Variants in SOX6 observed in about 807,000 individuals in gnomAD.
The protein encoded by SOX6 is transcription factor SOX-6.
SOX6 carries 11 observed loss-of-function variants against 97.8 expected under a neutral mutation model. That is an observed-to-expected ratio of 0.11 (90% confidence interval 0.07 to 0.19). The LOEUF is 0.19. SOX6 is among the 10% of genes least tolerant of loss of function. The probability of loss-of-function intolerance (pLI) is 1.00; values close to 1 mark genes in which losing one functional copy is unlikely to be tolerated. For missense variants in SOX6, 810 were observed against 1,039.5 expected (o/e 0.78, Z 3.04); for synonymous variants, 360 against 371.4 (o/e 0.97, Z 0.35).
At chr11:16,559,548 T>C (rs1002517565) in intron 4 of SOX6, among the ~76,000 whole-genome samples, 7 of 151,456 alleles carry the variant, frequency 4.6e-5, no homozygotes, top group African/African-American at 1.7e-4. Context: ...ACAAGATAGG[T>C]GTGTTATAGA....
At chr11:16,245,969 A>G (rs1853323417) in intron 3 of SOX6, among the ~76,000 whole-genome samples, 1 of 151,196 alleles carries the variant, frequency 6.6e-6, no homozygotes, top group Non-Finnish European at 1.5e-5. Context: ...GCTATTTTTA[A>G]TTTGTCCTTT....
At chr11:16,024,803 C>A (rs1355215786) in intron 12 of SOX6, among the ~76,000 whole-genome samples, 1 of 152,046 alleles carries the variant, frequency 6.6e-6, no homozygotes, top group Non-Finnish European at 1.5e-5. Flanking sequence ...TGCAGAGCTT[C>A]TTGTGGAGAT....
At chr11:16,534,333 A>G (rs528095403) in intron 4 of SOX6, among the ~76,000 whole-genome samples, 5 of 152,316 alleles carry the variant, frequency 3.3e-5, no homozygotes, top group Admixed American at 6.5e-5. Context: ...AGTTATAGAT[A>G]ACACTGATTT....
chr11:16,556,755 A>G (rs1270610765), intron 4 of SOX6, among the ~76,000 whole-genome samples: 2 of 151,742 alleles, frequency 1.3e-5, no homozygotes, highest in Admixed American at 1.3e-4. Context: ...ACTTTGTTCT[A>G]TTGCTTTTGC....
chr11:16,534,408 G>C (rs529846375), intron 4 of SOX6, among the ~76,000 whole-genome samples: 17 of 151,962 alleles, frequency 1.1e-4, no homozygotes, highest in Non-Finnish European at 2.2e-4. Context: ...TTGGACTTAG[G>C]TTTCTTCTAG....
intron 2 of SOX6, among the ~76,000 whole-genome samples, chr11:16,334,152 T>C (rs1173071444): frequency 1.3e-5 from 2 of 151,920 alleles, no homozygotes; most frequent in African/African-American, 4.8e-5. Flanking sequence ...AAACATGACA[T>C]GTGACACCTC....
chr11:16,535,986 T>C (rs1441350913), intron 4 of SOX6, among the ~76,000 whole-genome samples: 1 of 152,224 alleles, frequency 6.6e-6, no homozygotes, highest in African/African-American at 2.4e-5. Context: ...CATATTTCAA[T>C]TTCTGCAACT....
intron 1 of SOX6, chr11:16,402,810 C>T (rs1262457060): frequency 2.5e-6 from 4 of 1,570,060 alleles, no homozygotes; most frequent in African/African-American, 2.7e-5. Flanking sequence ...CTTTCATGTC[C>T]TTGAAGCTCA....
intron 4 of SOX6, among the ~76,000 whole-genome samples, chr11:16,594,452 C>T (rs1226451989): frequency 6.6e-6 from 1 of 151,882 alleles, no homozygotes; most frequent in South Asian, 2.1e-4. Context: ...GGTTACAATC[C>T]TTTTTTAAAC....
At chr11:16,399,803 C>G (rs1858495914) in intron 1 of SOX6, among the ~76,000 whole-genome samples, 2 of 151,204 alleles carry the variant, frequency 1.3e-5, no homozygotes, top group Admixed American at 6.6e-5. Context: ...GAAGTAAAAG[C>G]TTGGGGTATT....
intron 3 of SOX6, among the ~76,000 whole-genome samples, chr11:16,671,267 G>C (rs1235666649): frequency 6.6e-6 from 1 of 152,190 alleles, no homozygotes; most frequent in Admixed American, 6.5e-5. Flanking sequence ...GACCACACCA[G>C]TTCTCCAACA....
intron 4 of SOX6, among the ~76,000 whole-genome samples, chr11:16,510,965 C>G (rs1860871912): frequency 6.6e-6 from 1 of 151,912 alleles, no homozygotes; most frequent in African/African-American, 2.4e-5. Flanking sequence ...ATCTCAATAA[C>G]CTGATCTTGT....
intron 2 of SOX6, among the ~76,000 whole-genome samples, chr11:16,723,191 T>C (rs1848279723): frequency 6.6e-6 from 1 of 152,212 alleles, no homozygotes; most frequent in African/African-American, 2.4e-5. Context: ...TGAATAGAGC[T>C]GAAGGCCATT....
At chr11:16,461,194 T>C (rs1158906423) in intron 1 of SOX6, among the ~76,000 whole-genome samples, 2 of 152,132 alleles carry the variant, frequency 1.3e-5, no homozygotes, top group African/African-American at 4.8e-5. Flanking sequence ...TCATTTTGAC[T>C]CCTTTCCCTT....
At chr11:16,051,117 AAGAG>A (rs1847675306) in intron 10 of SOX6, among the ~76,000 whole-genome samples, 1 of 152,044 alleles carries the variant, frequency 6.6e-6, no homozygotes, top group Non-Finnish European at 1.5e-5. Flanking sequence ...GGGGAACAGA[AAGAG>A]AGGCCAGAAA....
intron 3 of SOX6, among the ~76,000 whole-genome samples, chr11:16,703,328 A>G (rs144497023): frequency 1.1e-4 from 16 of 152,292 alleles, no homozygotes; most frequent in African/African-American, 3.8e-4. Flanking sequence ...AAAACATTTT[A>G]TTATTTTTAT....
chr11:16,316,042 G>A (rs926483963), intron 3 of SOX6: 1 of 151,560 alleles, frequency 6.6e-6, no homozygotes, highest in Non-Finnish European at 1.5e-5. Context: ...AAATAGCACT[G>A]GCAATTTTTT....
chr11:16,557,525 T>A (rs532773182), intron 4 of SOX6, among the ~76,000 whole-genome samples: 3 of 152,024 alleles, frequency 2.0e-5, no homozygotes, highest in South Asian at 2.1e-4. Context: ...ATTAACATAG[T>A]GCTGGTAATC....
At chr11:16,552,563 T>A (rs1565178855) in intron 4 of SOX6, among the ~76,000 whole-genome samples, 1 of 152,168 alleles carries the variant, frequency 6.6e-6, no homozygotes, top group Non-Finnish European at 1.5e-5. Flanking sequence ...ATTAGAGCCT[T>A]CCACAAATGA....
Sources: gnomAD v4.1 joint callset for allele counts (sites outside exome capture counted in the v4.1 genomes callset) on GRCh38, gnomAD v4.1.1 for gene constraint, MANE v1.5 for transcripts, NCBI Gene and HGNC (gene_info 2026-07-23, HGNC 2026-07-21) for gene names.